The following KIAA1191 variants were observed in gnomAD, a reference collection of about 807,000 sequenced individuals.
KIAA1191 encodes the protein putative monooxygenase p33MONOX.
KIAA1191 carries 22 observed loss-of-function variants against 31.1 expected under a neutral mutation model. The observed-to-expected ratio is 0.71, with a 90% CI of 0.51 to 1.01. The LOEUF is 1.01. Among genes scored for constraint, KIAA1191 ranks in the 50% least tolerant of loss-of-function variants. The pLI is 0.00. For synonymous variants in KIAA1191, 130 were observed against 143.9 expected (o/e 0.90, Z 0.69); for missense variants, 319 against 388.0 (o/e 0.82, Z 1.49).
In KIAA1191 at chr5:176,358,577, G is replaced by A. The variant is rs766878292; in HGVS notation, c.28+904C>T. ...TTAAAAATACAAAAATTAGCCGGGC[G>A]TGGTGGCAGGCAGCTGTAATCCCAG... On this transcript the variant is annotated intron_variant, in intron 3 of 8. Transcript: ENST00000298569. Among the ~76,000 whole-genome samples the A allele has an allele frequency of 3.9e-5, 6 of 152,238 alleles. No individual in the cohort carries two copies. In the South Asian group the frequency reaches 6.2e-4, roughly 16 times the overall value.
In KIAA1191 at chr5:176,355,694, G is replaced by A. The variant is rs201108658; in HGVS notation, c.84C>T (p.Arg28=). The A allele has an allele frequency of 7.0e-5, 113 of 1,613,766 alleles. No individual in the cohort carries two copies. In the East Asian group the frequency reaches 1.9e-3, roughly 28 times the overall value. Residue 28 remains arginine, a synonymous_variant, in exon 4 of 9, where the codon CGC becomes CGT. Transcript: ENST00000298569. This position sits in a 1 kb window ranked among gnomAD's most constrained non-coding sequence, Gnocchi z 4.2. Reference sequence around the variant, plus strand: ...GGGTATCATCATAGCTGACTGCCCGGCGGTATATCCCGATGGGCAGGGACA... The same window carrying A: ...GGGTATCATCATAGCTGACTGCCCGACGGTATATCCCGATGGGCAGGGACA... ...GKMSLPIGIY[R]RAVSYDDTLE...
rs748125471 is a variant in KIAA1191 at position 176,359,472 on chromosome 5, TAA to T, written c.28+7_28+8del. On this transcript the variant is annotated splice_region_variant and intron_variant, in intron 3 of 8. Transcript: ENST00000298569. ...AAAACATGATTTTACCAAAAAGAAT[TAA>T]GTTTACCAGGCACTTCTGGTTGTCT... 6.2e-7 allele frequency: 1 copy of T among 1,613,506 alleles called. No individual in the cohort carries two copies. Among genetic ancestry groups the T allele is most frequent in the South Asian group, 1.1e-5 (1 of 91,064 alleles).
intron 3 of KIAA1191, chr5:176,356,199 G>A: frequency 5.1e-6 from 1 of 197,584 alleles, no homozygotes; most frequent in Non-Finnish European, 1.0e-5. Flanking sequence ...AGTACAGTTT[G>A]GAATCCAATC....
intron 3 of KIAA1191, 122 bp downstream of exon 3, chr5:176,359,359 C>T (rs1416820534): frequency 1.1e-6 from 1 of 886,592 alleles, no homozygotes; most frequent in Admixed American, 2.2e-5. Context: ...TCTAGTAAAT[C>T]TAAATACTCG....
Position 176,355,832 on chromosome 5 carries a change from C to T in KIAA1191, c.29-83G>A, listed in dbSNP as rs1011415266. On this transcript the variant is annotated intron_variant, in intron 3 of 8. Transcript: ENST00000298569. The surrounding 1 kb of genome is among the most constrained non-coding windows in gnomAD (Gnocchi z 4.2). ...AAATTAATCTACAGGAAGGAAAGCT[C>T]TGAAATACTCTTGTTCTTGAACAGA... The T allele has an allele frequency of 2.1e-5, 28 of 1,346,848 alleles. No homozygotes were observed. Among genetic ancestry groups the T allele is most frequent in the Non-Finnish European group, 2.8e-5 (26 of 944,418 alleles). The allele number at this position is 1,346,848 out of a possible 1,614,324, so 83.4% of individuals were successfully genotyped here.
rs1294123490 is a variant in KIAA1191, at chr5:176,361,191, T to C, written c.-168+411A>G. The C allele has an allele frequency of 1.3e-5, 2 of 151,716 alleles. No homozygotes were observed. Among genetic ancestry groups the C allele is most frequent in the African/African-American group, 2.4e-5 (1 of 41,192 alleles). 9.4% of individuals were successfully genotyped at this position (151,716 alleles called of 1,614,324 possible). A position where few individuals can be genotyped will look rare whatever the true frequency, so the allele number is the denominator to read the frequency against. On this transcript the variant is annotated intron_variant, in intron 1 of 8. Transcript: ENST00000298569. This position sits in a 1 kb window ranked among gnomAD's most constrained non-coding sequence, Gnocchi z 4.0. ...CAGCTCACCGTCCCTCTGCCTCTCC[T>C]TCACAATATACAAGACGGTGCCGCC...
At chr5:176,350,874 G>C in intron 5 of KIAA1191, 137 bp from the exon 6 acceptor site, 1 of 1,051,336 alleles carries the variant, frequency 9.5e-7, no homozygotes, top group Non-Finnish European at 1.3e-6. Flanking sequence ...ACTTTCCCCA[G>C]AGAGGCACCA....
intron 5 of KIAA1191, among the ~76,000 whole-genome samples, chr5:176,351,711 C>T (rs539168738): frequency 5.2e-4 from 79 of 151,082 alleles, no homozygotes; most frequent in African/African-American, 1.8e-3. Context: ...TGAGCTGAGA[C>T]CACAGCATTG....
intron 2 of KIAA1191, 90 bp downstream of exon 2, chr5:176,359,721 A>G: frequency 1.9e-6 from 1 of 535,388 alleles, no homozygotes; most frequent in African/African-American, 1.9e-5. Flanking sequence ...AGAAGGATAA[A>G]GTCAAACGTC....
chr5:176,352,246 C>T (rs1423516036), intron 5 of KIAA1191, among the ~76,000 whole-genome samples: 1 of 151,446 alleles, frequency 6.6e-6, no homozygotes, highest in African/African-American at 2.4e-5. Flanking sequence ...GAAACAGTAA[C>T]AGCAGCAGCT....
rs1414715607 is a variant in KIAA1191 at position 176,359,807 on chromosome 5, T to C, written c.-60+4A>G. ...TGCCATACATGGTGAAAAAGTCACC[T>C]TACCACAGTGAAATGATGTGATGAC... On this transcript the variant is annotated splice_donor_region_variant and intron_variant, in intron 2 of 8. Transcript: ENST00000298569. 1 of 314,046 alleles carries C rather than the reference T, an allele frequency of 3.2e-6. No homozygotes were observed. Among genetic ancestry groups the C allele is most frequent in the Non-Finnish European group, 6.3e-6 (1 of 159,906 alleles). 19.5% of individuals were successfully genotyped at this position (314,046 alleles called of 1,614,324 possible). A position where few individuals can be genotyped will look rare whatever the true frequency, so the allele number is the denominator to read the frequency against.
chr5:176,349,340 T>G (rs1371246548), intron 6 of KIAA1191, among the ~76,000 whole-genome samples: 1 of 152,124 alleles, frequency 6.6e-6, no homozygotes, highest in Non-Finnish European at 1.5e-5. Flanking sequence ...CCTATAGCAG[T>G]TTTTAAACCT....
intron 7 of KIAA1191, 25 bp from the exon 8 acceptor site, chr5:176,348,088 T>C (rs1370452821): frequency 6.2e-7 from 1 of 1,612,372 alleles, no homozygotes; most frequent in Admixed American, 1.7e-5. Flanking sequence ...ACAAAACATA[T>C]CCTAAAATAC....
In KIAA1191 at chr5:176,347,995, C is replaced by G. The variant is rs150958471; in HGVS notation, c.635G>C (p.Ser212Thr). ...GPNPSTMDSG[S>T]GDKDRNLSDK... is the part of the protein sequence containing the mutation. ...TGACAAGTTTCTGTCCTTATCCCCA[C>G]TTCCAGAGTCCATGGTGCTAGGATT... Residue 212 changes from serine to threonine, a missense_variant, in exon 8 of 9, where the codon AGT becomes ACT. Transcript: ENST00000298569. 3.1e-6 allele frequency: 5 copies of G among 1,614,030 alleles called. No homozygotes were observed. The highest frequency in any genetic ancestry group is 4.2e-6 in the Non-Finnish European group (5 of 1,180,042).
chr5:176,348,213 C>T, intron 7 of KIAA1191, 37 bp downstream of exon 7: 1 of 1,600,254 alleles, frequency 6.2e-7, no homozygotes. Context: ...TTTCCTGAAG[C>T]ACGCAGGAAC....
chr5:176,351,302 C>A (rs1190472618), intron 5 of KIAA1191, among the ~76,000 whole-genome samples: 2 of 150,370 alleles, frequency 1.3e-5, no homozygotes, highest in Admixed American at 6.6e-5. Context: ...GATCGTGCCA[C>A]TGCACTCCAG....
At chr5:176,358,542 C>T (rs7718906) in intron 3 of KIAA1191, among the ~76,000 whole-genome samples, 30,091 of 151,534 alleles carry the variant, frequency 0.2, 3,041 homozygotes, top group Middle Eastern at 0.29. Flanking sequence ...ATGGAGAAAC[C>T]CTGTCTCTAT....
At chr5:176,358,810 C>T (rs941002295) in intron 3 of KIAA1191, among the ~76,000 whole-genome samples, 2 of 152,072 alleles carry the variant, frequency 1.3e-5, no homozygotes, top group African/African-American at 4.8e-5. Flanking sequence ...TTCCGCCGGG[C>T]ACGGTGGCTC....
At chr5:176,351,158 A>T (rs545371787) in intron 5 of KIAA1191, among the ~76,000 whole-genome samples, 137 of 150,700 alleles carry the variant, frequency 9.1e-4, no homozygotes, top group African/African-American at 3.1e-3. Flanking sequence ...CTGGCTAACA[A>T]GGTGAAACCC....
Sources: gnomAD v4.1 joint callset for allele counts (sites outside exome capture counted in the v4.1 genomes callset) on GRCh38, gnomAD v4.1.1 for gene constraint, Gnocchi (gnomAD v3.1) non-coding constraint, MANE v1.5 for transcripts, NCBI Gene and HGNC (gene_info 2026-07-23, HGNC 2026-07-21) for gene names.